Variants in PACS1 observed in about 807,000 individuals in gnomAD.
The protein encoded by PACS1 is PACS-1.
Under a neutral mutation model 115.0 loss-of-function variants are expected in PACS1, and 24 were observed. The ratio of observed to expected loss-of-function variants is 0.21; its 90% CI spans 0.15 to 0.29. PACS1 has a LOEUF of 0.29. Among genes scored for constraint, PACS1 ranks in the 10% least tolerant of loss-of-function variants. The probability of loss-of-function intolerance (pLI) is 1.00; values close to 1 mark genes in which losing one functional copy is unlikely to be tolerated. For synonymous variants in PACS1, 453 were observed against 504.5 expected (o/e 0.90, Z 1.37); for missense variants, 838 against 1,251.2 (o/e 0.67, Z 4.98).
intron 1 of PACS1, among the ~76,000 whole-genome samples, chr11:66,096,929 G>T (rs1857800344): frequency 6.7e-6 from 1 of 149,190 alleles, no homozygotes; most frequent in African/African-American, 2.5e-5. Context: ...TGAACTCCTG[G>T]CTTTGTGGAA....
chr11:66,176,604 G>A (rs1286645274), intron 1 of PACS1, among the ~76,000 whole-genome samples: 5 of 152,024 alleles, frequency 3.3e-5, no homozygotes, highest in Admixed American at 3.3e-4. Flanking sequence ...TATAAAGATG[G>A]GGTTTCATCA....
At chr11:66,224,425 G>C (rs190921206) in intron 10 of PACS1, among the ~76,000 whole-genome samples, 5 of 152,308 alleles carry the variant, frequency 3.3e-5, no homozygotes, top group Admixed American at 3.3e-4. Flanking sequence ...TGAGGAGATG[G>C]AACAGGATCA....
intron 2 of PACS1, among the ~76,000 whole-genome samples, chr11:66,198,126 G>T (rs1284657888): frequency 2.6e-5 from 4 of 152,172 alleles, no homozygotes; most frequent in African/African-American, 7.2e-5. Flanking sequence ...TGTTGCCCAG[G>T]CTGCTCTCAA....
chr11:66,159,740 G>T (rs1231617570), intron 1 of PACS1, among the ~76,000 whole-genome samples: 1 of 152,156 alleles, frequency 6.6e-6, no homozygotes, highest in Admixed American at 6.5e-5. Flanking sequence ...AAAAAGTCCA[G>T]CTATCTTTAC....
intron 1 of PACS1, among the ~76,000 whole-genome samples, chr11:66,141,005 A>G (rs1357804458): frequency 6.6e-6 from 1 of 152,152 alleles, no homozygotes; most frequent in Non-Finnish European, 1.5e-5. Context: ...TAATTTAACT[A>G]GAAACTTATT....
At chr11:66,124,222 C>G (rs1349730653) in intron 1 of PACS1, among the ~76,000 whole-genome samples, 1 of 152,156 alleles carries the variant, frequency 6.6e-6, no homozygotes, top group Non-Finnish European at 1.5e-5. Context: ...ATAAAAGAAG[C>G]CTTTTTCCTA....
intron 1 of PACS1, among the ~76,000 whole-genome samples, chr11:66,071,426 TC>T (rs1280056103): frequency 2.6e-5 from 4 of 152,032 alleles, no homozygotes; most frequent in Non-Finnish European, 5.9e-5. Context: ...TTACCTCCCC[TC>T]CCCCACTAAA....
At chr11:66,201,061 A>T (rs1356480594) in intron 2 of PACS1, among the ~76,000 whole-genome samples, 1 of 152,138 alleles carries the variant, frequency 6.6e-6, no homozygotes, top group Non-Finnish European at 1.5e-5. Flanking sequence ...TGCCCTAAAA[A>T]TACAAAAATT....
intron 1 of PACS1, among the ~76,000 whole-genome samples, chr11:66,131,372 A>G (rs2134577630): frequency 6.6e-6 from 1 of 152,328 alleles, no homozygotes; most frequent in Admixed American, 6.5e-5. Flanking sequence ...ATTTCTGTAT[A>G]TACTGGGTAG....
At chr11:66,200,955 T>G (rs1181915782) in intron 2 of PACS1, among the ~76,000 whole-genome samples, 1 of 151,440 alleles carries the variant, frequency 6.6e-6, no homozygotes, top group Non-Finnish European at 1.5e-5. Flanking sequence ...GTGTGGTGAC[T>G]CACGCCTGTA....
chr11:66,159,568 C>T (rs1430544578), intron 1 of PACS1, among the ~76,000 whole-genome samples: 1 of 152,180 alleles, frequency 6.6e-6, no homozygotes, highest in East Asian at 1.9e-4. Context: ...TGCTTCCCCA[C>T]AGCCTGGCCA....
At chr11:66,178,276 C>T (rs917758264) in intron 1 of PACS1, among the ~76,000 whole-genome samples, 2 of 152,082 alleles carry the variant, frequency 1.3e-5, no homozygotes, top group Non-Finnish European at 2.9e-5. Context: ...TTATCATTCC[C>T]TTGAGTGTTG....
At chr11:66,207,796 G>T (rs1408543283) in intron 2 of PACS1, among the ~76,000 whole-genome samples, 1 of 152,052 alleles carries the variant, frequency 6.6e-6, no homozygotes, top group Non-Finnish European at 1.5e-5. Flanking sequence ...TTGAGACGGA[G>T]TCTCGCTCTG....
chr11:66,241,989 C>G (rs1031747402), intron 22 of PACS1, among the ~76,000 whole-genome samples: 2 of 152,242 alleles, frequency 1.3e-5, no homozygotes, highest in African/African-American at 2.4e-5. Flanking sequence ...CTCTCTATAT[C>G]ACAGCTCCAG....
intron 10 of PACS1, among the ~76,000 whole-genome samples, chr11:66,225,806 C>T (rs770739654): frequency 1.3e-5 from 2 of 152,206 alleles, no homozygotes; most frequent in Non-Finnish European, 2.9e-5. Flanking sequence ...ATATTGAGAT[C>T]GAAAATGGAG....
intron 1 of PACS1, among the ~76,000 whole-genome samples, chr11:66,116,489 A>C (rs1372595593): frequency 6.6e-6 from 1 of 152,244 alleles, no homozygotes; most frequent in South Asian, 2.1e-4. Context: ...CATAAAGTTC[A>C]TTTAATAATC....
At chr11:66,173,476 G>C (rs1859785240) in intron 1 of PACS1, among the ~76,000 whole-genome samples, 1 of 152,132 alleles carries the variant, frequency 6.6e-6, no homozygotes, top group Non-Finnish European at 1.5e-5. Flanking sequence ...GGGAGGCCGA[G>C]GCAAGCGGAT....
intron 1 of PACS1, among the ~76,000 whole-genome samples, chr11:66,110,924 C>T (rs1206708668): frequency 1.3e-5 from 2 of 152,172 alleles, no homozygotes; most frequent in South Asian, 2.1e-4. Context: ...CCTACCAACC[C>T]TCCCAAGTCT....
intron 1 of PACS1, among the ~76,000 whole-genome samples, chr11:66,091,890 A>G (rs1226373175): frequency 1.3e-5 from 2 of 151,976 alleles, no homozygotes; most frequent in Admixed American, 6.6e-5. Context: ...CATGGTGTAT[A>G]TGTGCCACAT....
Sources: allele counts gnomAD v4.1 joint callset (sites outside exome capture counted in the v4.1 genomes callset), GRCh38; gene constraint gnomAD v4.1.1; transcripts MANE v1.5; gene names NCBI Gene and HGNC (gene_info 2026-07-23, HGNC 2026-07-21).